Variants in CHD7 observed in about 807,000 individuals in gnomAD.
The protein encoded by CHD7 is ATP-dependent chromatin remodeler CHD7.
A neutral mutation model predicts 307.3 loss-of-function variants in CHD7; 24 were observed. The observed-to-expected ratio is 0.08, with a 90% CI of 0.06 to 0.11. The LOEUF is 0.11. CHD7 is among the 10% of genes least tolerant of loss of function. The pLI, the probability that CHD7 is intolerant of heterozygous loss-of-function variation, is 1.00. For missense variants in CHD7, 3,106 were observed against 3,727.1 expected (o/e 0.83, Z 4.34); for synonymous variants, 1,363 against 1,349.9 (o/e 1.01, Z -0.21).
chr8:60,830,480 A>G lies in CHD7; in HGVS notation c.3681A>G (p.Thr1227=), dbSNP rs748869169. 2.6e-5 allele frequency: 42 copies of G among 1,613,902 alleles called. No individual in the cohort carries two copies. Among genetic ancestry groups the G allele is most frequent in the Non-Finnish European group, 3.1e-5 (37 of 1,179,888 alleles). The change falls in exon 15 of 38, where the codon ACA becomes ACG. Residue 1227 remains threonine, a synonymous_variant. Transcript: ENST00000423902. ...YYRAILEKNF[T]FLSKGGGQAN... ...GAGCCATCCTTGAGAAGAATTTCAC[A>G]TTTCTTTCCAAAGGCGGTGGTCAAG...
At chr8:60,820,136 C>T in intron 9 of CHD7, 46 bp downstream of exon 9, 1 of 1,266,690 alleles carries the variant, frequency 7.9e-7, no homozygotes, top group Non-Finnish European at 1.1e-6. Context: ...TCAGGCAACC[C>T]ATACATGTTT....
rs1292565525 is a variant in CHD7, at chr8:60,791,094, CAG to C, written c.2097-3889_2097-3888del. 2.6e-5 allele frequency among the ~76,000 whole-genome samples: 4 copies of C among 152,292 alleles called. No homozygotes were observed. The East Asian group carries it at 7.7e-4, about 29-fold the overall frequency. ...AGACATTATATGTAGAGGTTTGAAA[CAG>C]AGGAATGCCCCAGTCAGATTTGCCT... On this transcript the variant is annotated intron_variant, in intron 3 of 37. Transcript: ENST00000423902.
chr8:60,792,340 A>G (rs898227012), intron 3 of CHD7, among the ~76,000 whole-genome samples: 1 of 152,232 alleles, frequency 6.6e-6, no homozygotes, highest in Non-Finnish European at 1.5e-5. Flanking sequence ...TTTAATTTAC[A>G]TAACTTAATT....
rs1383827395 is a variant in CHD7 at position 60,757,963 on chromosome 8, TC to T, written c.1665+14868del. On this transcript the variant is annotated intron_variant, in intron 2 of 37. Coordinates refer to ENST00000423902, the MANE Select transcript of CHD7 (RefSeq NM_017780.4). ...GTTCTCAAATGTTTTAGTTTTGAAATCCTGATGCTCTTAAATATTGAGAACC... is the reference window on the plus strand; with the variant it reads ...GTTCTCAAATGTTTTAGTTTTGAAATCTGATGCTCTTAAATATTGAGAACC... 2.6e-5 allele frequency among the ~76,000 whole-genome samples: 4 copies of T among 152,342 alleles called. No individual in the cohort carries two copies. The East Asian group carries it at 5.8e-4, about 22-fold the overall frequency.
chr8:60,815,868 G>A (rs781333999), intron 7 of CHD7, among the ~76,000 whole-genome samples: 10 of 152,104 alleles, frequency 6.6e-5, no homozygotes, highest in Non-Finnish European at 1.3e-4. Flanking sequence ...AGTATGATAG[G>A]CCTTGGGTGA....
chr8:60,845,578 A>G (rs557524961), intron 23 of CHD7, among the ~76,000 whole-genome samples, 169 bp downstream of exon 23: 66 of 152,332 alleles, frequency 4.3e-4, no homozygotes, highest in African/African-American at 1.5e-3. Context: ...TCCTGGAACC[A>G]TACTCCCGCG....
rs2280917 is a variant in CHD7 at position 60,867,661 on chromosome 8, T to C, written c.*1728T>C. 105,137 of 152,030 alleles carry C rather than the reference T, an allele frequency of 0.69. 36,770 individuals are homozygous for C. The highest frequency in any genetic ancestry group is 0.78 in the African/African-American group (32,129 of 41,426). The allele number at this position is 152,030 out of a possible 1,614,324, so 9.4% of individuals were successfully genotyped here. Reference sequence around the variant, plus strand: ...CCAGGACGTCCGCACACAGTCCACCTCCAGCCAGTGTGCTGCCAGACAGGT... The same window carrying C: ...CCAGGACGTCCGCACACAGTCCACCCCCAGCCAGTGTGCTGCCAGACAGGT... On this transcript the variant is annotated 3_prime_UTR_variant, in exon 38 of 38. Coordinates refer to ENST00000423902, the MANE Select transcript of CHD7 (RefSeq NM_017780.4).
At chr8:60,784,122 G>A (rs1268513599) in intron 3 of CHD7, among the ~76,000 whole-genome samples, 1 of 152,154 alleles carries the variant, frequency 6.6e-6, no homozygotes, top group Non-Finnish European at 1.5e-5. Flanking sequence ...ATTCTGAATA[G>A]CATAGTAGAA....
At chr8:60,816,589 C>T in intron 8 of CHD7, 88 bp downstream of exon 8, 1 of 753,296 alleles carries the variant, frequency 1.3e-6, no homozygotes. Context: ...TTAAGAAAAA[C>T]TAGTTAGTCT....
At chr8:60,696,946 CTTTT>C (rs990651228) in intron 1 of CHD7, among the ~76,000 whole-genome samples, 3 of 150,250 alleles carry the variant, frequency 2.0e-5, no homozygotes, top group Non-Finnish European at 4.4e-5. Flanking sequence ...ACCTCCCCCA[CTTTT>C]TTTTTAAAGT....
At position 60,742,593 on chromosome 8, in the gene CHD7, G is replaced by A; in HGVS notation, c.1161G>A (p.Gln387=). 1 of 1,613,850 alleles carries A rather than the reference G, an allele frequency of 6.2e-7. No individual in the cohort carries two copies. The highest frequency in any genetic ancestry group is 8.5e-7 in the Non-Finnish European group (1 of 1,179,802). ...AAACTATGCATCCTTCACAGCCTCA[G>A]GGAACTTATGCCTCTCCACCTCCCA... ...NTQTMHPSQP[Q]GTYASPPPMS... The change falls in exon 2 of 38, where the codon CAG becomes CAA. Residue 387 remains glutamine, a synonymous_variant. Transcript: ENST00000423902.
intron 6 of CHD7, 87 bp downstream of exon 6, chr8:60,801,680 A>T: frequency 1.2e-6 from 1 of 842,692 alleles, no homozygotes. Flanking sequence ...TTAAAATTCT[A>T]ATATTATAAA....
At chr8:60,832,981 A>T (rs1430860797) in intron 15 of CHD7, among the ~76,000 whole-genome samples, 1 of 152,222 alleles carries the variant, frequency 6.6e-6, no homozygotes, top group Non-Finnish European at 1.5e-5. Flanking sequence ...TGGGGAAGTT[A>T]TAGTGAAAAA....
intron 2 of CHD7, among the ~76,000 whole-genome samples, chr8:60,751,227 C>G (rs1427187849): frequency 2.0e-5 from 3 of 152,116 alleles, no homozygotes; most frequent in African/African-American, 7.2e-5. Context: ...AATACAATTG[C>G]TTGTTTCTTC....
At chr8:60,725,428 A>G (rs1808117461) in intron 1 of CHD7, among the ~76,000 whole-genome samples, 1 of 152,170 alleles carries the variant, frequency 6.6e-6, no homozygotes, top group Non-Finnish European at 1.5e-5. Flanking sequence ...TTGAATTTTT[A>G]TATATATTTT....
Position 60,780,916 on chromosome 8 carries a change from A to G in CHD7, c.1666-84A>G. 6.4e-6 allele frequency: 9 copies of G among 1,402,758 alleles called. No individual in the cohort carries two copies. The South Asian group carries it at 1.5e-4, about 23-fold the overall frequency. 86.9% of individuals were successfully genotyped at this position (1,402,758 alleles called of 1,614,324 possible). ...GCTACCTGAGTATAGAATAAGTTTC[A>G]GAAACATCAGCCACTAACTTTCAGT... On this transcript the variant is annotated intron_variant, in intron 2 of 37. Transcript: ENST00000423902.
chr8:60,748,986 T>A (rs35651015), intron 2 of CHD7, among the ~76,000 whole-genome samples: 103,937 of 143,316 alleles, frequency 0.73, 36,776 homozygotes, highest in East Asian at 0.89. Flanking sequence ...TTTTTTTTTT[T>A]TAAAAAAATA....
chr8:60,774,851 A>T (rs1810876591), intron 2 of CHD7, among the ~76,000 whole-genome samples: 1 of 152,180 alleles, frequency 6.6e-6, no homozygotes, highest in South Asian at 2.1e-4. Context: ...GAAACACCAC[A>T]GCATAGTGTT....
Position 60,849,089 on chromosome 8 carries a change from A to T in CHD7, c.5339A>T (p.Glu1780Val), listed in dbSNP as rs1373941657. Residue 1780 changes from glutamate (E) to valine (V), a missense_variant, in exon 25 of 38, where the codon GAA becomes GTA. By Grantham distance (121) the Glu-to-Val change is moderately radical. Around this residue, in one of 10 missense-constraint regions of CHD7, gnomAD observed 1,030 missense variants for 1,165.4 expected, o/e 0.88. Coordinates refer to ENST00000423902, the MANE Select transcript of CHD7 (RefSeq NM_017780.4). ...TGGATCCCTGAACCTTTCCATGCTG[A>T]AGTTCCTGCAGATTGGTGGGATAAG... is the stretch of plus-strand genomic sequence containing the variant. Reference protein sequence around the residue: ...DVWIPEPFHAEVPADWWDKEA... With the variant: ...DVWIPEPFHAVVPADWWDKEA... 1 of 1,613,408 alleles carries T rather than the reference A, an allele frequency of 6.2e-7. No homozygotes were observed.
Sources: gnomAD v4.1 joint callset for allele counts (sites outside exome capture counted in the v4.1 genomes callset) on GRCh38, gnomAD v4.1.1 for gene constraint, gnomAD v4.1.1 regional missense constraint, MANE v1.5 for transcripts, NCBI Gene and HGNC (gene_info 2026-07-23, HGNC 2026-07-21) for gene names.